CDH4: variants seen among roughly 807,000 people sequenced by gnomAD.
CDH4 encodes the protein cadherin 4, also known as cadherin-4.
A neutral mutation model predicts 86.0 loss-of-function variants in CDH4; 33 were observed. That is an observed-to-expected ratio of 0.38 (90% CI 0.29 to 0.51). The LOEUF is 0.51. Ranked by LOEUF, CDH4 falls within the 20% of genes least tolerant of loss-of-function variation. The pLI, the probability that CDH4 is intolerant of heterozygous loss-of-function variation, is 0.86. For synonymous variants in CDH4, 555 were observed against 549.4 expected, an observed-to-expected ratio of 1.01 and a Z score of -0.14; for missense variants, 1,114 against 1,307.4, an observed-to-expected ratio of 0.85 and a Z score of 2.28.
At chr20:61,849,668 C>T (rs1002384592) in intron 5 of CDH4, among the ~76,000 whole-genome samples, 2 of 152,100 alleles carry the variant, frequency 1.3e-5, no homozygotes, top group African/African-American at 2.4e-5. Context: ...GCTGGCTATT[C>T]GGGGGGCCAC....
chr20:61,294,050 G>A (rs539608823), intron 2 of CDH4, among the ~76,000 whole-genome samples: 9 of 152,284 alleles, frequency 5.9e-5, no homozygotes, highest in African/African-American at 2.2e-4. Context: ...AGGACAGGTG[G>A]TCAGTGTGGG....
intron 2 of CDH4, among the ~76,000 whole-genome samples, chr20:61,609,368 C>T (rs74398358): frequency 2.0e-5 from 3 of 152,228 alleles, no homozygotes; most frequent in East Asian, 1.9e-4. Flanking sequence ...TGTGATTTTG[C>T]GACAAGCACT....
intron 2 of CDH4, among the ~76,000 whole-genome samples, chr20:61,630,380 A>G (rs1328727693): frequency 6.6e-6 from 1 of 152,202 alleles, no homozygotes; most frequent in Non-Finnish European, 1.5e-5. Context: ...CACGGTCAGC[A>G]GGGAAGGGCG....
At chr20:61,254,117 G>A (rs1020757427) in intron 1 of CDH4, among the ~76,000 whole-genome samples, 3 of 152,228 alleles carry the variant, frequency 2.0e-5, no homozygotes, top group African/African-American at 7.2e-5. Context: ...GCGAGCTCCG[G>A]AGGACAGGAG....
At chr20:61,351,183 C>G (rs2084709981) in intron 2 of CDH4, among the ~76,000 whole-genome samples, 2 of 152,162 alleles carry the variant, frequency 1.3e-5, no homozygotes, top group Admixed American at 6.5e-5. Flanking sequence ...CCTGGATCAA[C>G]CAACCACAGA....
intron 2 of CDH4, among the ~76,000 whole-genome samples, chr20:61,542,754 G>A (rs1054961684): frequency 6.6e-6 from 1 of 152,184 alleles, no homozygotes; most frequent in African/African-American, 2.4e-5. Flanking sequence ...CGGTATTAGG[G>A]TTCTCCAAAG....
At position 61,743,746 on chromosome 20, in the gene CDH4, G is replaced by A. The variant is rs373320390; in HGVS notation, c.353G>A (p.Arg118Gln). 2.5e-5 allele frequency: 40 copies of A among 1,609,800 alleles called. No individual in the cohort carries two copies. In the African/African-American group the frequency reaches 2.8e-4, roughly 11 times the overall value. The change falls in exon 3 of 16, where the codon CGG becomes CAG. Residue 118 changes from arginine (R) to glutamine (Q), a missense_variant. Arg to Gln is a conservative substitution (Grantham distance 43). This residue lies in a region of CDH4 where 221 missense variants were observed against 209.5 expected (regional missense o/e 1.05). Coordinates refer to ENST00000614565, the MANE Select transcript of CDH4 (RefSeq NM_001794.5). The stretch of plus-strand genomic sequence containing the variant: ...GCAGAGAAATGGGACGCCGTGGTGC[G>A]GTTGCTGGTGGCCCAGACCTCGTCC... ...QTAEKWDAVV[R>Q]LLVAQTSSPH...
At chr20:61,339,897 T>A (rs374650533) in intron 2 of CDH4, among the ~76,000 whole-genome samples, 1 of 152,222 alleles carries the variant, frequency 6.6e-6, no homozygotes, top group African/African-American at 2.4e-5. Flanking sequence ...TGACTTAGAA[T>A]GTTCGAAGGG....
intron 2 of CDH4, among the ~76,000 whole-genome samples, chr20:61,534,441 C>CT (rs2085978836): frequency 6.6e-6 from 1 of 152,072 alleles, no homozygotes; most frequent in South Asian, 2.1e-4. Flanking sequence ...ATTTAATACA[C>CT]TTTTTTAAAG....
At chr20:61,410,176 GGAAAA>G (rs2085109418) in intron 2 of CDH4, among the ~76,000 whole-genome samples, 2 of 152,134 alleles carry the variant, frequency 1.3e-5, no homozygotes, top group African/African-American at 4.8e-5. Context: ...ATGTTATTAG[GGAAAA>G]GAAGAGTAAC....
chr20:61,274,871 G>A (rs1266948322), intron 2 of CDH4, among the ~76,000 whole-genome samples: 2 of 144,116 alleles, frequency 1.4e-5, no homozygotes, highest in Non-Finnish European at 3.0e-5. Context: ...GGTTGTTTGG[G>A]AGAGTACTGT....
chr20:61,813,469 C>T (rs571983383), intron 4 of CDH4, among the ~76,000 whole-genome samples: 1 of 152,348 alleles, frequency 6.6e-6, no homozygotes, highest in Non-Finnish European at 1.5e-5. Context: ...CCAATGGGGA[C>T]CTGAGGCTCA....
chr20:61,812,309 G>C (rs1209151352), intron 4 of CDH4, among the ~76,000 whole-genome samples: 1 of 152,132 alleles, frequency 6.6e-6, no homozygotes, highest in Admixed American at 6.5e-5. Flanking sequence ...GGCTGGCCTG[G>C]GGTCCCTGCC....
At chr20:61,577,302 G>A (rs1201839994) in intron 2 of CDH4, among the ~76,000 whole-genome samples, 1 of 151,550 alleles carries the variant, frequency 6.6e-6, no homozygotes, top group Non-Finnish European at 1.5e-5. Context: ...ATGAGTGGAT[G>A]TTTTGTGTGT....
intron 2 of CDH4, among the ~76,000 whole-genome samples, chr20:61,527,666 A>G (rs73917941): frequency 0.028 from 4,255 of 152,236 alleles, 159 homozygotes; most frequent in African/African-American, 0.087. Flanking sequence ...TGGTTTGCAA[A>G]GCATGCGTGC....
intron 2 of CDH4, among the ~76,000 whole-genome samples, chr20:61,367,867 C>CTTTTT (rs372521090): frequency 1.1e-4 from 13 of 119,074 alleles, no homozygotes; most frequent in Admixed American, 2.7e-4. Flanking sequence ...TCTCCAGGAT[C>CTTTTT]TTTTTTTTTT....
At chr20:61,612,291 T>C (rs1350150680) in intron 2 of CDH4, among the ~76,000 whole-genome samples, 1 of 152,144 alleles carries the variant, frequency 6.6e-6, no homozygotes, top group Non-Finnish European at 1.5e-5. Flanking sequence ...TAACCTGTAG[T>C]TAACTACTGA....
chr20:61,877,071 G>A (rs1371204855), intron 7 of CDH4, among the ~76,000 whole-genome samples: 1 of 152,148 alleles, frequency 6.6e-6, no homozygotes, highest in Non-Finnish European at 1.5e-5. Flanking sequence ...TGCACCCTAC[G>A]GGAGGGACAC....
At chr20:61,287,527 T>G (rs1207741407) in intron 2 of CDH4, among the ~76,000 whole-genome samples, 3 of 152,160 alleles carry the variant, frequency 2.0e-5, no homozygotes, top group Non-Finnish European at 4.4e-5. Flanking sequence ...TGAGCCCTAT[T>G]CATTTTCTAC....
Sources: allele counts gnomAD v4.1 joint callset (sites outside exome capture counted in the v4.1 genomes callset), GRCh38; gene constraint gnomAD v4.1.1; regional missense constraint gnomAD v4.1.1; transcripts MANE v1.5; gene names NCBI Gene and HGNC (gene_info 2026-07-23, HGNC 2026-07-21).